LRMDA: variants seen among roughly 807,000 people sequenced by gnomAD.
LRMDA encodes the protein leucine-rich melanocyte differentiation-associated protein.
Under a neutral mutation model 29.8 loss-of-function variants are expected in LRMDA, and 18 were observed. The ratio of observed to expected loss-of-function variants is 0.60; its 90% CI spans 0.42 to 0.90. The LOEUF (loss-of-function observed/expected upper bound fraction) is 0.90, where lower values mean the gene tolerates loss of function less well. Ranked by LOEUF, LRMDA falls within the 40% of genes least tolerant of loss-of-function variation. The pLI, the probability that LRMDA is intolerant of heterozygous loss-of-function variation, is 0.00. For synonymous variants in LRMDA, 125 were observed against 109.4 expected, an observed-to-expected ratio of 1.14 and a Z score of -0.89; for missense variants, 273 against 273.9, an observed-to-expected ratio of 1.00 and a Z score of 0.02.
At chr10:76,345,687 C>CACGTGCA (rs1204498712) in intron 6 of LRMDA, among the ~76,000 whole-genome samples, 3 of 151,902 alleles carry the variant, frequency 2.0e-5, no homozygotes, top group African/African-American at 7.2e-5. Flanking sequence ...CTTAACCTTA[C>CACGTGCA]ACGTGCATTT....
intron 2 of LRMDA, among the ~76,000 whole-genome samples, chr10:75,589,722 C>T (rs1056232118): frequency 6.6e-6 from 1 of 151,428 alleles, no homozygotes; most frequent in Non-Finnish European, 1.5e-5. Context: ...TGAGATCATG[C>T]CAGTGTACTC....
At chr10:76,205,246 C>A (rs74150540) in intron 5 of LRMDA, among the ~76,000 whole-genome samples, 4,796 of 152,184 alleles carry the variant, frequency 0.032, 244 homozygotes, top group African/African-American at 0.11. Context: ...TCACCTAAAT[C>A]TTGGGGTGAA....
intron 2 of LRMDA, among the ~76,000 whole-genome samples, chr10:75,915,068 G>A (rs1356340982): frequency 6.8e-6 from 1 of 146,882 alleles, no homozygotes; most frequent in African/African-American, 2.5e-5. Flanking sequence ...ATATTATAAT[G>A]TCAGAGAAGT....
intron 5 of LRMDA, among the ~76,000 whole-genome samples, chr10:76,290,569 T>C (rs1399410064): frequency 6.6e-6 from 1 of 152,020 alleles, no homozygotes; most frequent in Non-Finnish European, 1.5e-5. Context: ...ATTACAGGCG[T>C]ATGCCACCAC....
chr10:76,147,535 T>A (rs1196610266), intron 5 of LRMDA, among the ~76,000 whole-genome samples: 1 of 152,188 alleles, frequency 6.6e-6, no homozygotes, highest in Non-Finnish European at 1.5e-5. Flanking sequence ...TTCAGCTCCA[T>A]CAGGTCCTTT....
intron 6 of LRMDA, among the ~76,000 whole-genome samples, chr10:76,556,085 T>C (rs1357838672): frequency 6.6e-6 from 1 of 152,220 alleles, no homozygotes; most frequent in Non-Finnish European, 1.5e-5. Flanking sequence ...ATAATAACTA[T>C]GGAAGTGATT....
intron 5 of LRMDA, among the ~76,000 whole-genome samples, chr10:76,203,319 A>G (rs550200183): frequency 6.6e-6 from 1 of 152,320 alleles, no homozygotes; most frequent in Non-Finnish European, 1.5e-5. Context: ...ATGTTTTTGA[A>G]TAGAGACTGC....
intron 2 of LRMDA, among the ~76,000 whole-genome samples, chr10:75,822,248 A>C (rs1288835742): frequency 6.6e-6 from 1 of 152,188 alleles, no homozygotes; most frequent in Non-Finnish European, 1.5e-5. Context: ...TGAAGAATGC[A>C]TCTAATCAAG....
At chr10:76,503,517 T>TC (rs1409496024) in intron 6 of LRMDA, among the ~76,000 whole-genome samples, 1 of 151,870 alleles carries the variant, frequency 6.6e-6, no homozygotes, top group African/African-American at 2.4e-5. Flanking sequence ...GTGTTATTGT[T>TC]CCGTTCAGGT....
intron 6 of LRMDA, among the ~76,000 whole-genome samples, chr10:76,332,121 G>T (rs931654441): frequency 6.6e-6 from 1 of 152,168 alleles, no homozygotes; most frequent in African/African-American, 2.4e-5. Flanking sequence ...AGCCGGGCTG[G>T]GTGGATTGGA....
At chr10:76,411,051 A>G in intron 6 of LRMDA, among the ~76,000 whole-genome samples, 1 of 152,290 alleles carries the variant, frequency 6.6e-6, no homozygotes, top group South Asian at 2.1e-4. Context: ...CATGCAAGAG[A>G]TGTTTGTCAT....
At chr10:76,554,870 GGTGTGTGTGT>G (rs72203665) in intron 6 of LRMDA, among the ~76,000 whole-genome samples, 62,728 of 150,530 alleles carry the variant, frequency 0.42, 14,056 homozygotes, top group Middle Eastern at 0.57. Flanking sequence ...CATGGTGGGT[GGTGTGTGTGT>G]GTGTGTGTGT....
intron 5 of LRMDA, among the ~76,000 whole-genome samples, chr10:76,116,740 A>T (rs565143916): frequency 6.6e-6 from 1 of 152,244 alleles, no homozygotes; most frequent in East Asian, 1.9e-4. Context: ...GTTTTGATTG[A>T]CAGGAGTCCT....
At chr10:75,922,347 A>G (rs1406484582) in intron 2 of LRMDA, among the ~76,000 whole-genome samples, 1 of 152,222 alleles carries the variant, frequency 6.6e-6, no homozygotes, top group Non-Finnish European at 1.5e-5. Context: ...TTGACATATC[A>G]GAATGGTTGA....
intron 5 of LRMDA, among the ~76,000 whole-genome samples, chr10:76,273,870 C>A (rs1840098143): frequency 6.6e-6 from 1 of 152,088 alleles, no homozygotes; most frequent in Admixed American, 6.6e-5. Context: ...AGAGTACCTG[C>A]CATATAGGAA....
chr10:76,228,557 G>C (rs1053259784), intron 5 of LRMDA, among the ~76,000 whole-genome samples: 1 of 152,112 alleles, frequency 6.6e-6, no homozygotes, highest in African/African-American at 2.4e-5. Context: ...CTGATTGGTT[G>C]GGGCAAAGAT....
At chr10:76,345,128 G>A (rs972414205) in intron 6 of LRMDA, among the ~76,000 whole-genome samples, 5 of 137,350 alleles carry the variant, frequency 3.6e-5, no homozygotes, top group Non-Finnish European at 4.6e-5. Flanking sequence ...GTGCAGTGGC[G>A]CGATCTCGGC....
chr10:75,434,004 T>A (rs1844236705), intron 1 of LRMDA, among the ~76,000 whole-genome samples: 1 of 152,084 alleles, frequency 6.6e-6, no homozygotes. Flanking sequence ...GCAGTCTTCC[T>A]ATTGCTTTTC....
intron 2 of LRMDA, among the ~76,000 whole-genome samples, chr10:75,910,223 A>T (rs569838284): frequency 1.3e-5 from 2 of 152,302 alleles, no homozygotes; most frequent in African/African-American, 4.8e-5. Flanking sequence ...TCAGTGTGGA[A>T]AGCCCTCTGG....
Sources: allele counts gnomAD v4.1 joint callset (sites outside exome capture counted in the v4.1 genomes callset), GRCh38; gene constraint gnomAD v4.1.1; transcripts MANE v1.5; gene names NCBI Gene and HGNC (gene_info 2026-07-23, HGNC 2026-07-21).